CCDC30: variants seen among roughly 807,000 people sequenced by gnomAD.
The protein encoded by CCDC30 is coiled-coil domain-containing protein 30.
In CCDC30, 70 loss-of-function variants were observed where a neutral mutation model predicts 100.2. That is an observed-to-expected ratio of 0.70 (90% CI 0.58 to 0.85). The LOEUF (loss-of-function observed/expected upper bound fraction) is 0.85. CCDC30 is among the 40% of genes least tolerant of loss of function. The pLI, the probability that CCDC30 is intolerant of heterozygous loss-of-function variation, is 0.00. For missense variants in CCDC30, 652 were observed against 771.2 expected, an observed-to-expected ratio of 0.85 and a Z score of 1.83; for synonymous variants, 233 against 269.5, an observed-to-expected ratio of 0.86 and a Z score of 1.33.
At chr1:42,571,923 T>A (rs1645741401) in intron 7 of CCDC30, among the ~76,000 whole-genome samples, 1 of 152,198 alleles carries the variant, frequency 6.6e-6, no homozygotes, top group African/African-American at 2.4e-5. Context: ...ATATGTTCAG[T>A]CAATGAATTT....
intron 11 of CCDC30, among the ~76,000 whole-genome samples, chr1:42,615,238 G>T (rs112725505): frequency 0.017 from 2,655 of 152,256 alleles, 71 homozygotes; most frequent in African/African-American, 0.061. Context: ...CTCTCTGGGG[G>T]TTTTCAAACT....
In CCDC30 at chr1:42,523,007, T is replaced by A. The variant is rs574439138; in HGVS notation, c.456+24091T>A. ...ACTACACCTGGCTAATTTTTGTATT[T>A]TTAGTAGAGACAGGCTTTCACCATG... On this transcript the variant is annotated intron_variant, in intron 6 of 16. Transcript: ENST00000668663. Among the ~76,000 whole-genome samples, 5 of 152,288 alleles carry A rather than the reference T, an allele frequency of 3.3e-5. No individual in the cohort carries two copies. The East Asian group carries it at 9.6e-4, about 29-fold the overall frequency.
intron 6 of CCDC30, chr1:42,545,462 G>GA (rs775731046): frequency 5.0e-6 from 8 of 1,599,936 alleles, no homozygotes; most frequent in Non-Finnish European, 6.8e-6. Context: ...ACTCTAGGGG[G>GA]AAAAACTGCA....
intron 7 of CCDC30, among the ~76,000 whole-genome samples, chr1:42,576,534 C>G (rs1235819013): frequency 3.9e-5 from 6 of 152,216 alleles, no homozygotes; most frequent in Non-Finnish European, 7.3e-5. Context: ...AGCAAATCAT[C>G]TACTCTCTAG....
chr1:42,623,973 A>G, intron 11 of CCDC30, among the ~76,000 whole-genome samples: 1 of 152,094 alleles, frequency 6.6e-6, no homozygotes, highest in Non-Finnish European at 1.5e-5. Context: ...ATTCCTAGGT[A>G]TTTAATTTTA....
intron 10 of CCDC30, chr1:42,591,375 C>T (rs1646182957): frequency 6.6e-6 from 1 of 152,466 alleles, no homozygotes; most frequent in Non-Finnish European, 1.5e-5. Context: ...GGACACTGCT[C>T]CCTGAATCCC....
At chr1:42,515,459 A>C (rs1224996466) in intron 6 of CCDC30, among the ~76,000 whole-genome samples, 1 of 152,212 alleles carries the variant, frequency 6.6e-6, no homozygotes, top group Non-Finnish European at 1.5e-5. Context: ...AGCCCTCATG[A>C]ATGGCATTAG....
chr1:42,590,158 TC>T (rs1450671251), intron 10 of CCDC30: 2 of 152,220 alleles, frequency 1.3e-5, no homozygotes, highest in Non-Finnish European at 2.9e-5. Context: ...ACATGTCTGC[TC>T]CCATTTCACC....
intron 10 of CCDC30, among the ~76,000 whole-genome samples, chr1:42,604,051 C>G (rs1483241316): frequency 6.6e-6 from 1 of 151,910 alleles, no homozygotes; most frequent in East Asian, 1.9e-4. Context: ...AAGACCCTGT[C>G]TCTCCAATTT....
At chr1:42,527,928 C>T (rs1456033928) in intron 6 of CCDC30, among the ~76,000 whole-genome samples, 1 of 151,644 alleles carries the variant, frequency 6.6e-6, no homozygotes, top group Admixed American at 6.6e-5. Context: ...TGCAATGGCG[C>T]GATACCGACT....
chr1:42,553,474 G>T (rs956269896), intron 6 of CCDC30, among the ~76,000 whole-genome samples: 1 of 150,162 alleles, frequency 6.7e-6, no homozygotes, highest in African/African-American at 2.4e-5. Context: ...CGAAGAAAAA[G>T]TCCATTTTCT....
intron 4 of CCDC30, among the ~76,000 whole-genome samples, chr1:42,495,566 A>C (rs1160177973): frequency 6.6e-6 from 1 of 151,784 alleles, no homozygotes; most frequent in African/African-American, 2.4e-5. Flanking sequence ...TTGGTGGCCT[A>C]TGCCTGTAGT....
chr1:42,646,773 G>T (rs976293220), intron 15 of CCDC30, among the ~76,000 whole-genome samples: 5 of 152,146 alleles, frequency 3.3e-5, no homozygotes, highest in Admixed American at 1.3e-4. Flanking sequence ...TGGGCTTAAG[G>T]TGCCACCTAG....
chr1:42,460,030 A>C (rs925161690), upstream of CCDC30: 11 of 1,449,834 alleles, frequency 7.6e-6, no homozygotes, highest in African/African-American at 1.4e-4. Flanking sequence ...AATGAAAGAA[A>C]GGGAAAAGGC....
At chr1:42,504,370 A>G (rs1644366158) in intron 6 of CCDC30, among the ~76,000 whole-genome samples, 1 of 152,148 alleles carries the variant, frequency 6.6e-6, no homozygotes, top group African/African-American at 2.4e-5. Flanking sequence ...CTTGTTCCCA[A>G]CACCTGTTAT....
chr1:42,497,733 G>C (rs1431929398), intron 5 of CCDC30, among the ~76,000 whole-genome samples: 2 of 151,956 alleles, frequency 1.3e-5, no homozygotes, highest in Non-Finnish European at 2.9e-5. Context: ...AAATTTTTTT[G>C]CAAGAGTGAC....
chr1:42,579,303 A>G (rs1186157009), intron 8 of CCDC30, among the ~76,000 whole-genome samples: 1 of 151,152 alleles, frequency 6.6e-6, no homozygotes, highest in East Asian at 2.0e-4. Flanking sequence ...CTTATTTTTA[A>G]GAAAGGAAAG....
Position 42,581,395 on chromosome 1 carries a change from T to C in CCDC30, c.882T>C (p.His294=), listed in dbSNP as rs748517760. ...TGCAGCGGAAATTAGAACATGCTCA[T>C]AAAGTCTGTCTCACAGACACTTGTA... The change falls in exon 9 of 17, where the codon CAT becomes CAC. Residue 294 remains histidine, a synonymous_variant. Coordinates refer to ENST00000668663, the Ensembl canonical transcript of CCDC30. 8 of 1,611,834 alleles carry C rather than the reference T, an allele frequency of 5.0e-6. No individual in the cohort carries two copies. The Admixed American group carries it at 1.2e-4, about 24-fold the overall frequency.
intron 9 of CCDC30, among the ~76,000 whole-genome samples, chr1:42,586,968 G>A (rs1646084121): frequency 6.6e-6 from 1 of 151,966 alleles, no homozygotes; most frequent in Non-Finnish European, 1.5e-5. Flanking sequence ...ATATTCTTGA[G>A]TTGCTCTTTT....
Sources: allele counts gnomAD v4.1 joint callset (sites outside exome capture counted in the v4.1 genomes callset), GRCh38; gene constraint gnomAD v4.1.1; transcripts MANE v1.5; gene names NCBI Gene and HGNC (gene_info 2026-07-23, HGNC 2026-07-21).